The following PFKFB3 variants were observed in gnomAD, a reference collection of about 807,000 sequenced individuals.
The protein encoded by PFKFB3 is 6-phosphofructo-2-kinase/fructose-2,6-bisphosphatase 3.
Under a neutral mutation model 68.0 loss-of-function variants are expected in PFKFB3, and 33 were observed. The observed-to-expected ratio is 0.49, with a 90% CI of 0.37 to 0.65. PFKFB3 has a LOEUF of 0.65. Among genes scored for constraint, PFKFB3 ranks in the 30% least tolerant of loss-of-function variants. PFKFB3 has a pLI of 0.00. For synonymous variants in PFKFB3, 315 were observed against 288.2 expected (o/e 1.09, Z -0.94); for missense variants, 586 against 712.2 (o/e 0.82, Z 2.02).
chr10:6,237,757 G>A (rs987339048), downstream of PFKFB3, among the ~76,000 whole-genome samples: 1 of 151,992 alleles, frequency 6.6e-6, no homozygotes, highest in Non-Finnish European at 1.5e-5. Context: ...GTCGAGATGA[G>A]GTTTCGCCAT....
At chr10:6,177,309 G>T (rs1388979900) in intron 1 of PFKFB3, among the ~76,000 whole-genome samples, 2 of 151,918 alleles carry the variant, frequency 1.3e-5, no homozygotes, top group African/African-American at 4.8e-5. Context: ...CTTACACATA[G>T]TAGAGGTCAA....
Position 6,228,385 on chromosome 10 carries a change from A to T in PFKFB3, c.1515+2020A>T, listed in dbSNP as rs1365795114. The T allele has an allele frequency of 1.3e-6, 1 of 759,146 alleles. No individual in the cohort carries two copies. The highest frequency in any genetic ancestry group is 2.3e-6 in the Non-Finnish European group (1 of 440,602). The allele number at this position is 759,146 out of a possible 1,614,324, so 47.0% of individuals were successfully genotyped here. A position where few individuals can be genotyped will look rare whatever the true frequency, so the allele number is the denominator to read the frequency against. Reference sequence around the variant, plus strand: ...AGGAGTAGGGAGGAGAGATTCCTGAATGTTTTTGGAAAAGCGTGCAGGCGG... The same window carrying T: ...AGGAGTAGGGAGGAGAGATTCCTGATTGTTTTTGGAAAAGCGTGCAGGCGG... On this transcript the variant is annotated intron_variant, in intron 14 of 14. Transcript: ENST00000379775. This position sits in a 1 kb window ranked among gnomAD's most constrained non-coding sequence, Gnocchi z 4.5.
At chr10:6,308,620 A>G in the PFKFB3 span, among the ~76,000 whole-genome samples, 1 of 151,380 alleles carries the variant, frequency 6.6e-6, no homozygotes, top group Non-Finnish European at 1.5e-5. Flanking sequence ...CAGATAATAA[A>G]AACAGGCGCT....
At chr10:6,216,992 T>C (rs1844629246) in intron 5 of PFKFB3, 143 bp from the exon 6 acceptor site, 1 of 902,866 alleles carries the variant, frequency 1.1e-6, no homozygotes, top group African/African-American at 1.6e-5. Context: ...TTCCAGAGGC[T>C]GCAGTGAGGA....
rs3084010 is a variant in PFKFB3, at chr10:6,220,942, G to GTGCTGCTGCTGCTGCTGCTGCTGCTGC, written c.831+79_831+105dup. Reference sequence around the variant, plus strand: ...GTCTATAGGGTGGGTGGGGAGCTGTGTGCTGCTGCTGCTGCTGCTGCTGCT... The same window carrying GTGCTGCTGCTGCTGCTGCTGCTGCTGC: ...GTCTATAGGGTGGGTGGGGAGCTGTGTGCTGCTGCTGCTGCTGCTGCTGCTGCTGCTGCTGCTGCTGCTGCTGCTGCT... On this transcript the variant is annotated intron_variant, in intron 8 of 14. Coordinates refer to ENST00000379775, the MANE Select transcript of PFKFB3 (RefSeq NM_004566.4). The surrounding 1 kb of genome is among the most constrained non-coding windows in gnomAD (Gnocchi z 4.1). The GTGCTGCTGCTGCTGCTGCTGCTGCTGC allele has an allele frequency of 1.1e-6, 1 of 883,950 alleles. No homozygotes were observed. The highest frequency in any genetic ancestry group is 1.7e-5 in the African/African-American group (1 of 60,212). 54.8% of individuals were successfully genotyped at this position (883,950 alleles called of 1,614,324 possible).
At chr10:6,198,674 G>A (rs748646125), upstream of PFKFB3, among the ~76,000 whole-genome samples, 6 of 152,154 alleles carry the variant, frequency 3.9e-5, no homozygotes, top group Non-Finnish European at 7.3e-5. Flanking sequence ...GTAAAGACGA[G>A]GTTTTGCCAT....
At chr10:6,293,130 T>C in the PFKFB3 span, 1 of 451,128 alleles carries the variant, frequency 2.2e-6, no homozygotes. Flanking sequence ...TCTATTAGGC[T>C]TTTCATCATG....
At chr10:6,230,722 T>A (rs1281836769) in intron 14 of PFKFB3, among the ~76,000 whole-genome samples, 1 of 151,594 alleles carries the variant, frequency 6.6e-6, no homozygotes, top group Non-Finnish European at 1.5e-5. Context: ...CTGAAGTCTT[T>A]TTTTTTTTTT....
chr10:6,158,877 A>G (rs1391876926), intron 1 of PFKFB3, among the ~76,000 whole-genome samples: 1 of 151,878 alleles, frequency 6.6e-6, no homozygotes, highest in Non-Finnish European at 1.5e-5. Flanking sequence ...CTCAAAAAAA[A>G]AAAAAGAAAT....
chr10:6,323,462 G>C, the PFKFB3 span, among the ~76,000 whole-genome samples: 6 of 152,186 alleles, frequency 3.9e-5, no homozygotes, highest in African/African-American at 1.4e-4. Context: ...TGAAAGTAGG[G>C]TTCTCATATC....
chr10:6,208,314 A>G (rs911938584), intron 1 of PFKFB3, among the ~76,000 whole-genome samples: 13 of 144,022 alleles, frequency 9.0e-5, no homozygotes, highest in African/African-American at 2.8e-4. Context: ...GCCTCAAGCA[A>G]TGCCCCCTTG....
the PFKFB3 span, among the ~76,000 whole-genome samples, chr10:6,290,142 A>T: frequency 2.0e-4 from 30 of 152,248 alleles, no homozygotes; most frequent in African/African-American, 6.7e-4. Flanking sequence ...CAATCATGTC[A>T]TCTGCAAACA....
At chr10:6,299,623 C>T in the PFKFB3 span, among the ~76,000 whole-genome samples, 2 of 152,320 alleles carry the variant, frequency 1.3e-5, no homozygotes, top group Admixed American at 1.3e-4. Context: ...TCTTTGATTT[C>T]ACCAAATCTT....
At chr10:6,208,149 A>G (rs1843915832) in intron 1 of PFKFB3, among the ~76,000 whole-genome samples, 2 of 152,140 alleles carry the variant, frequency 1.3e-5, no homozygotes, top group South Asian at 2.1e-4. Flanking sequence ...ATCACGTCTC[A>G]TTGAAGCCTT....
In PFKFB3 at chr10:6,203,061, C is replaced by A; in HGVS notation, c.-200C>A. 1 of 1,395,686 alleles carries A rather than the reference C, an allele frequency of 7.2e-7. No individual in the cohort carries two copies. The allele number at this position is 1,395,686 out of a possible 1,614,324, so 86.5% of individuals were successfully genotyped here. A position where few individuals can be genotyped will look rare whatever the true frequency, so the allele number is the denominator to read the frequency against. The stretch of plus-strand genomic sequence containing the variant: ...CGGGCATCCCCAGCCTCGCTACCCT[C>A]GCAGCACACGTCGAGCCCCGCACAG... On this transcript the variant is annotated 5_prime_UTR_variant, in exon 1 of 15. Coordinates refer to ENST00000379775, the MANE Select transcript of PFKFB3 (RefSeq NM_004566.4).
At chr10:6,227,463 T>G (rs989464534) in intron 14 of PFKFB3, among the ~76,000 whole-genome samples, 1 of 152,196 alleles carries the variant, frequency 6.6e-6, no homozygotes, top group African/African-American at 2.4e-5. Flanking sequence ...TCATGATGTC[T>G]GGAATGTGAC....
chr10:6,167,972 C>A (rs1842191621), intron 1 of PFKFB3, among the ~76,000 whole-genome samples: 1 of 152,168 alleles, frequency 6.6e-6, no homozygotes, highest in South Asian at 2.1e-4. Context: ...TTTTCTAGGT[C>A]ACATCCTCAG....
rs1844857604 is a variant in PFKFB3 at position 6,220,221 on chromosome 10, C to G, written c.624-437C>G. The stretch of plus-strand genomic sequence containing the variant: ...GGCTCAAGTAATCCTACCGCCTCAG[C>G]CTCATGAGTAACTGGGACTACAGGT... On this transcript the variant is annotated intron_variant, in intron 7 of 14. Coordinates refer to ENST00000379775, the MANE Select transcript of PFKFB3 (RefSeq NM_004566.4). The surrounding 1 kb of genome is among the most constrained non-coding windows in gnomAD (Gnocchi z 4.1). 6.6e-6 allele frequency among the ~76,000 whole-genome samples: 1 copy of G among 151,828 alleles called. No homozygotes were observed. Among genetic ancestry groups the G allele is most frequent in the Non-Finnish European group, 1.5e-5 (1 of 67,982 alleles).
intron 1 of PFKFB3, among the ~76,000 whole-genome samples, chr10:6,193,740 G>C (rs999436900): frequency 2.6e-5 from 4 of 152,184 alleles, no homozygotes; most frequent in Non-Finnish European, 5.9e-5. Context: ...AATGTTTTGG[G>C]GGCAGTGGGT....
Sources: allele counts gnomAD v4.1 joint callset (sites outside exome capture counted in the v4.1 genomes callset), GRCh38; gene constraint gnomAD v4.1.1; non-coding constraint Gnocchi (gnomAD v3.1); transcripts MANE v1.5; gene names NCBI Gene and HGNC (gene_info 2026-07-23, HGNC 2026-07-21).